Variants in CSMD3 observed in about 807,000 individuals in gnomAD.
CSMD3 encodes the protein CUB and sushi domain-containing protein 3.
Under a neutral mutation model 435.2 loss-of-function variants are expected in CSMD3, and 177 were observed. The observed-to-expected ratio is 0.41, with a 90% CI of 0.36 to 0.46. The LOEUF is 0.46. Ranked by LOEUF, CSMD3 falls within the 20% of genes least tolerant of loss-of-function variation. The probability of loss-of-function intolerance (pLI) is 0.34; values close to 1 mark genes in which losing one functional copy is unlikely to be tolerated. For missense variants in CSMD3, 4,265 were observed against 4,504.6 expected, an observed-to-expected ratio of 0.95 and a Z score of 1.52; for synonymous variants, 1,656 against 1,520.5, an observed-to-expected ratio of 1.09 and a Z score of -2.07.
intron 13 of CSMD3, among the ~76,000 whole-genome samples, chr8:112,716,695 C>A (rs1201744224): frequency 6.6e-6 from 1 of 152,198 alleles, no homozygotes; most frequent in East Asian, 1.9e-4. Context: ...GCTACGATTA[C>A]CAAAACAGCA....
chr8:113,408,244 C>T (rs908724303), intron 1 of CSMD3, among the ~76,000 whole-genome samples: 1 of 152,000 alleles, frequency 6.6e-6, no homozygotes, highest in Non-Finnish European at 1.5e-5. Flanking sequence ...TGAAGTTGCT[C>T]TATGAGTCCA....
At chr8:113,339,198 T>C (rs116900856) in intron 1 of CSMD3, among the ~76,000 whole-genome samples, 1 of 151,978 alleles carries the variant, frequency 6.6e-6, no homozygotes, top group Non-Finnish European at 1.5e-5. Flanking sequence ...TGTGTTATAT[T>C]CCCTTTCTCT....
At chr8:113,146,653 G>C (rs1177212475) in intron 4 of CSMD3, among the ~76,000 whole-genome samples, 1 of 151,574 alleles carries the variant, frequency 6.6e-6, no homozygotes, top group Non-Finnish European at 1.5e-5. Context: ...GAACAAATTT[G>C]AGTGGGTAAA....
At chr8:112,596,328 T>G (rs1221570637) in intron 22 of CSMD3, among the ~76,000 whole-genome samples, 2 of 152,260 alleles carry the variant, frequency 1.3e-5, no homozygotes, top group East Asian at 3.9e-4. Context: ...ATCCAAAATA[T>G]ATATGCACCC....
Position 112,921,038 on chromosome 8 carries a change from T to C in CSMD3, c.1633+589A>G, listed in dbSNP as rs1307210445. Among the ~76,000 whole-genome samples the C allele has an allele frequency of 6.0e-5, 9 of 149,250 alleles. No homozygotes were observed. The East Asian group carries it at 1.2e-3, about 20-fold the overall frequency. ...ACACACACACACACACACACACATA[T>C]ATATACCTCCAGTAATTCCAGATAA... is the stretch of plus-strand genomic sequence containing the variant. On this transcript the variant is annotated intron_variant, in intron 10 of 70. Transcript: ENST00000297405.
chr8:112,973,901 T>C (rs879792945), intron 7 of CSMD3, among the ~76,000 whole-genome samples: 3 of 151,876 alleles, frequency 2.0e-5, no homozygotes, highest in Non-Finnish European at 4.4e-5. Flanking sequence ...TCACTGTCAA[T>C]AATGATGAAT....
chr8:112,822,291 C>CT (rs930380124), intron 12 of CSMD3, among the ~76,000 whole-genome samples: 16 of 151,748 alleles, frequency 1.1e-4, no homozygotes, highest in African/African-American at 2.9e-4. Context: ...AGCATGGAAT[C>CT]TTTTTTTTCA....
intron 6 of CSMD3, among the ~76,000 whole-genome samples, chr8:113,003,250 A>AATAAATAAATAAATAG (rs1277778566): frequency 6.6e-6 from 1 of 152,022 alleles, no homozygotes; most frequent in Non-Finnish European, 1.5e-5. Flanking sequence ...TGTCTCAAAA[A>AATAAATAAATAAATAG]ATAAATAAAT....
At chr8:113,038,061 A>C (rs2087435419) in intron 5 of CSMD3, among the ~76,000 whole-genome samples, 1 of 152,170 alleles carries the variant, frequency 6.6e-6, no homozygotes, top group Non-Finnish European at 1.5e-5. Context: ...AACCAAAAGG[A>C]AGCCAGAGGG....
chr8:112,438,633 T>G (rs1814641962), intron 32 of CSMD3, among the ~76,000 whole-genome samples: 2 of 152,112 alleles, frequency 1.3e-5, no homozygotes, highest in South Asian at 4.1e-4. Flanking sequence ...AAAAAAATCT[T>G]TTATAAAAGA....
intron 10 of CSMD3, among the ~76,000 whole-genome samples, chr8:112,884,674 TC>T (rs1351032349): frequency 6.6e-6 from 1 of 151,378 alleles, no homozygotes; most frequent in Non-Finnish European, 1.5e-5. Context: ...TAGGGGGACA[TC>T]TTTTTTTTTT....
At chr8:112,336,546 A>C in intron 44 of CSMD3, 106 bp downstream of exon 44, 1 of 900,668 alleles carries the variant, frequency 1.1e-6, no homozygotes. Flanking sequence ...CATCAATTCA[A>C]ATATCAGATG....
At chr8:112,961,011 T>C (rs2084207707) in intron 7 of CSMD3, among the ~76,000 whole-genome samples, 4 of 151,918 alleles carry the variant, frequency 2.6e-5, no homozygotes, top group Admixed American at 1.3e-4. Flanking sequence ...ATATCAAATG[T>C]ATGTGATGCT....
chr8:112,946,002 G>T (rs1304283101), intron 9 of CSMD3, among the ~76,000 whole-genome samples: 1 of 151,604 alleles, frequency 6.6e-6, no homozygotes, highest in African/African-American at 2.4e-5. Flanking sequence ...TTTGACTTCT[G>T]AGTAATTTTC....
At chr8:112,371,703 C>T (rs1429194296) in intron 38 of CSMD3, among the ~76,000 whole-genome samples, 1 of 151,976 alleles carries the variant, frequency 6.6e-6, no homozygotes, top group Non-Finnish European at 1.5e-5. Context: ...GCCTGACCTA[C>T]ATGGTGAAAC....
At position 113,153,101 on chromosome 8, in the gene CSMD3, A is replaced by AAAGAAAGAAAGAAAGAAAGAAAGAAAG. The variant is rs35085690; in HGVS notation, c.709+20620_709+20621insCTTTCTTTCTTTCTTTCTTTCTTTCTT. Among the ~76,000 whole-genome samples, 118 of 100,040 alleles carry AAAGAAAGAAAGAAAGAAAGAAAGAAAG rather than the reference A, an allele frequency of 1.2e-3. 1 individual carries two copies. The highest frequency in any genetic ancestry group is 5.2e-3 in the African/African-American group (110 of 21,260). The allele number at this position is 100,040 out of a possible 152,430, so 65.6% of individuals were successfully genotyped here. ...AAAAGAAAGAAAGAAAGAAAGAAAGAAAAGAAAGAAAGAAAGAAAGAAAGA... is the reference window on the plus strand; with the variant it reads ...AAAAGAAAGAAAGAAAGAAAGAAAGAAAGAAAGAAAGAAAGAAAGAAAGAAAGAAAGAAAGAAAGAAAGAAAGAAAGA... On this transcript the variant is annotated intron_variant, in intron 4 of 70. Transcript: ENST00000297405.
rs1365689401 is a variant in CSMD3, at chr8:113,343,113, G to A, written c.179-28320C>T. Among the ~76,000 whole-genome samples the A allele has an allele frequency of 2.6e-5, 4 of 152,018 alleles. No homozygotes were observed. The South Asian group carries it at 6.2e-4, about 24-fold the overall frequency. On this transcript the variant is annotated intron_variant, in intron 1 of 70. Transcript: ENST00000297405. ...GAGGGAGCAGGAGGAAGAAAAGACT[G>A]AAGGAGGATTAAGAAACATAACTCA... is the stretch of plus-strand genomic sequence containing the variant.
chr8:113,270,573 T>C (rs947066162), intron 3 of CSMD3, among the ~76,000 whole-genome samples: 5 of 152,114 alleles, frequency 3.3e-5, no homozygotes, highest in African/African-American at 4.8e-5. Context: ...TTGGAACCAA[T>C]CCAAATGTCC....
At chr8:112,566,042 T>C (rs1209876228) in intron 24 of CSMD3, among the ~76,000 whole-genome samples, 55 of 144,122 alleles carry the variant, frequency 3.8e-4, no homozygotes, top group Admixed American at 1.5e-3. Flanking sequence ...CTCTCTCTCT[T>C]TTTTTTTTTT....
Sources: allele counts gnomAD v4.1 joint callset (sites outside exome capture counted in the v4.1 genomes callset), GRCh38; gene constraint gnomAD v4.1.1; transcripts MANE v1.5; gene names NCBI Gene and HGNC (gene_info 2026-07-23, HGNC 2026-07-21).